The following LMO7 variants were observed in gnomAD, a reference collection of about 807,000 sequenced individuals.
LMO7 encodes LIM domain only protein 7.
A neutral mutation model predicts 206.5 loss-of-function variants in LMO7; 120 were observed. That is an observed-to-expected ratio of 0.58 (90% confidence interval 0.50 to 0.68). The LOEUF is 0.68. Among genes scored for constraint, LMO7 ranks in the 30% least tolerant of loss-of-function variants. LMO7 has a pLI of 0.00. For missense variants in LMO7, 1,959 were observed against 1,957.9 expected (o/e 1.00, Z -0.01); for synonymous variants, 706 against 681.5 (o/e 1.04, Z -0.56).
intron 29 of LMO7, among the ~76,000 whole-genome samples, chr13:75,855,653 C>A (rs2060873918): frequency 2.6e-5 from 4 of 152,238 alleles, no homozygotes; most frequent in Admixed American, 2.6e-4. Context: ...CTGTCAGAGG[C>A]ATACTTGAAA....
In LMO7 at chr13:75,808,000, A is replaced by G. The variant is rs756400026; in HGVS notation, c.1717A>G (p.Ser573Gly). ...ATGCCCATCCAAAGAAAAAAGTAAT[A>G]GCTGTAGAATATTAGTTCCTTCATA... ...RTCPSKEKSN[S>G]CRILVPSYRQ... Residue 573 changes from serine to glycine, a missense_variant, in exon 10 of 31, where the codon AGC (serine) becomes GGC (glycine). By Grantham distance (56) the Ser-to-Gly change is moderately conservative. Coordinates refer to ENST00000377534, the MANE Select transcript of LMO7 (RefSeq NM_001306080.2). The G allele has an allele frequency of 6.2e-7, 1 of 1,613,970 alleles. No individual in the cohort carries two copies. Among genetic ancestry groups the G allele is most frequent in the Non-Finnish European group, 8.5e-7 (1 of 1,179,872 alleles).
rs1383212678 is a variant in LMO7 at position 75,690,126 on chromosome 13, G to A, written c.70-23056G>A. ...TTTTTATTTTACTTTTAGAGATGGG[G>A]GTCTTACTATGTTGTCCAGACCAGT... On this transcript the variant is annotated intron_variant, in intron 1 of 30. Transcript: ENST00000377534. 2.0e-5 allele frequency among the ~76,000 whole-genome samples: 3 copies of A among 151,404 alleles called. No individual in the cohort carries two copies. In the East Asian group the frequency reaches 5.8e-4, roughly 29 times the overall value.
At chr13:75,810,065 C>T (rs1488739471) in intron 11 of LMO7, among the ~76,000 whole-genome samples, 1 of 152,168 alleles carries the variant, frequency 6.6e-6, no homozygotes, top group African/African-American at 2.4e-5. Context: ...CTCCTGACCT[C>T]AGGTGGTCCA....
At chr13:75,749,926 G>T (rs571283106) in intron 3 of LMO7, among the ~76,000 whole-genome samples, 3 of 151,436 alleles carry the variant, frequency 2.0e-5, no homozygotes, top group Non-Finnish European at 2.9e-5. Context: ...AACTATTGAC[G>T]TTGGATCTCT....
rs200660250 is a variant in LMO7, at chr13:75,626,574, ATAT to A, written c.225+3258_225+3260del. 4.5e-3 allele frequency among the ~76,000 whole-genome samples: 350 copies of A among 78,428 alleles called. 49 individuals are homozygous for A. The highest frequency in any genetic ancestry group is 0.014 in the African/African-American group (337 of 23,418). 51.5% of individuals were successfully genotyped at this position (78,428 alleles called of 152,430 possible). ...CATATTGTCTACCCTCTTAACATAT[ATAT>A]TATATATATATATATAAATTTTTTT... On this transcript the variant is annotated intron_variant, in intron 2 of 29. Transcript: ENST00000341547.
At chr13:75,662,069 A>G (rs1044585181) in intron 1 of LMO7, among the ~76,000 whole-genome samples, 16 of 152,214 alleles carry the variant, frequency 1.1e-4, no homozygotes, top group African/African-American at 3.4e-4. Context: ...CCCTTAACTC[A>G]TGACTCACCT....
At chr13:75,767,384 G>A (rs2049041226) in intron 4 of LMO7, among the ~76,000 whole-genome samples, 1 of 151,842 alleles carries the variant, frequency 6.6e-6, no homozygotes, top group African/African-American at 2.4e-5. Flanking sequence ...AGAAGCTCAA[G>A]GGCAAAGAAT....
chr13:75,778,275 C>T (rs1039001522), intron 4 of LMO7, among the ~76,000 whole-genome samples: 8 of 152,036 alleles, frequency 5.3e-5, no homozygotes, highest in African/African-American at 1.4e-4. Context: ...CTCTGTCTCC[C>T]AGGCTGGAGT....
chr13:75,621,844 A>G (rs774408164), exon 1 of LMO7: 1 of 1,601,778 alleles, frequency 6.2e-7, no homozygotes, highest in East Asian at 2.2e-5. Context: ...GCTGTATCTC[A>G]GGGACAGAGT....
chr13:75,775,990 A>G (rs2050317794), intron 4 of LMO7, among the ~76,000 whole-genome samples: 1 of 150,720 alleles, frequency 6.6e-6, no homozygotes, highest in Admixed American at 6.6e-5. Flanking sequence ...AGAATATCAA[A>G]AAGATACCTG....
In LMO7 at chr13:75,805,507, GT is replaced by G. The variant is rs766166315; in HGVS notation, c.944del (p.Val315GlyfsTer31). Reference protein sequence around the residue: ...SNQRRIWGTNVENWPTVQGTS... With the variant: ...SNQRRIWGTNXENWPTVQGTS... Reference sequence around the variant, plus strand: ...TCAGAGGAGGATTTGGGGCACCAATGTGGAGAACTGGCCAACTGTACAAGGA... The same window carrying G: ...TCAGAGGAGGATTTGGGGCACCAATGGGAGAACTGGCCAACTGTACAAGGA... On this transcript the variant is annotated frameshift_variant, in exon 9 of 31. Coordinates refer to ENST00000377534, the MANE Select transcript of LMO7 (RefSeq NM_001306080.2). LOFTEE classifies it high-confidence loss of function. 8 of 1,614,024 alleles carry G rather than the reference GT, an allele frequency of 5.0e-6. No homozygotes were observed. The South Asian group carries it at 8.8e-5, about 18-fold the overall frequency.
intron 1 of LMO7, among the ~76,000 whole-genome samples, chr13:75,679,598 C>T (rs1400967906): frequency 6.6e-6 from 1 of 152,130 alleles, no homozygotes; most frequent in African/African-American, 2.4e-5. Flanking sequence ...AAAGTATTAA[C>T]AAATAGTCCT....
intron 6 of LMO7, among the ~76,000 whole-genome samples, chr13:75,798,090 G>T (rs935787515): frequency 6.6e-6 from 1 of 152,182 alleles, no homozygotes; most frequent in Non-Finnish European, 1.5e-5. Flanking sequence ...TATGTGGGGG[G>T]CTGGGCACAG....
chr13:75,661,631 C>T (rs2038611284), intron 1 of LMO7, among the ~76,000 whole-genome samples: 1 of 152,176 alleles, frequency 6.6e-6, no homozygotes. Context: ...TTTCCAGTTC[C>T]CGTTCCTCAT....
At chr13:75,633,628 T>TGGA (rs2035298679), upstream of LMO7, among the ~76,000 whole-genome samples, 2 of 151,988 alleles carry the variant, frequency 1.3e-5, no homozygotes, top group African/African-American at 4.8e-5. Flanking sequence ...AGGGGGAGTG[T>TGGA]GGAGGAGGAG....
At chr13:75,648,393 G>A (rs1349824413) in intron 1 of LMO7, among the ~76,000 whole-genome samples, 1 of 152,214 alleles carries the variant, frequency 6.6e-6, no homozygotes, top group African/African-American at 2.4e-5. Context: ...ACACCATGCA[G>A]CTGAAGCCGG....
chr13:75,856,613 G>T lies in LMO7; in HGVS notation c.4873+5G>T. 6.4e-7 allele frequency: 1 copy of T among 1,567,670 alleles called. No homozygotes were observed. Among genetic ancestry groups the T allele is most frequent in the Non-Finnish European group, 8.8e-7 (1 of 1,137,918 alleles). ...ACTGCTATCTCAGATTCAAATGTAA[G>T]AGAGCAAATCAGAGAGAAAATTTCT... On this transcript the variant is annotated splice_donor_5th_base_variant and intron_variant, in intron 30 of 30. Coordinates refer to ENST00000377534, the MANE Select transcript of LMO7 (RefSeq NM_001306080.2).
At position 75,853,176 on chromosome 13, in the gene LMO7, T is replaced by C. The variant is rs761454194; in HGVS notation, c.4449T>C (p.Tyr1483=). The change falls in exon 28 of 31, where the codon TAT becomes TAC. Residue 1483 remains tyrosine, a synonymous_variant. Transcript: ENST00000377534. Reference sequence around the variant, plus strand: ...GGCTCAATCAGCCCACAGGATTCTATGCTTCTTCCTCTGTGCAAGACTTTA... The same window carrying C: ...GGCTCAATCAGCCCACAGGATTCTACGCTTCTTCCTCTGTGCAAGACTTTA... ...PPWLNQPTGF[Y]ASSSVQDFSR... is the part of the protein sequence containing the mutation. 1.9e-6 allele frequency: 3 copies of C among 1,614,186 alleles called. No homozygotes were observed. The highest frequency in any genetic ancestry group is 2.5e-6 in the Non-Finnish European group (3 of 1,180,008).
chr13:75,804,574 A>T (rs377751167), intron 8 of LMO7, 33 bp downstream of exon 8: 39 of 1,596,606 alleles, frequency 2.4e-5, no homozygotes, highest in Non-Finnish European at 3.3e-5. Context: ...TGAGTTTCGT[A>T]TGCTTTTCGA....
Sources: gnomAD v4.1 joint callset for allele counts (sites outside exome capture counted in the v4.1 genomes callset) on GRCh38, gnomAD v4.1.1 for gene constraint, MANE v1.5 for transcripts, NCBI Gene and HGNC (gene_info 2026-07-23, HGNC 2026-07-21) for gene names.